Variants in LTN1 observed in about 807,000 individuals in gnomAD.
LTN1 encodes listerin E3 ubiquitin protein ligase 1.
LTN1 carries 88 observed loss-of-function variants against 201.2 expected under a neutral mutation model. That is an observed-to-expected ratio of 0.44 (90% CI 0.37 to 0.52). The LOEUF is 0.52. LTN1 is among the 20% of genes least tolerant of loss of function. The pLI is 0.00. For missense variants in LTN1, 1,752 were observed against 2,038.7 expected (o/e 0.86, Z 2.71); for synonymous variants, 645 against 713.5 (o/e 0.90, Z 1.53).
In LTN1 at chr21:28,981,118, C is replaced by A; in HGVS notation, c.810+1G>T. 6.6e-7 allele frequency: 1 copy of A among 1,520,462 alleles called. No homozygotes were observed. The highest frequency in any genetic ancestry group is 8.8e-7 in the Non-Finnish European group (1 of 1,135,738). The allele number at this position is 1,520,462 out of a possible 1,614,324, so 94.2% of individuals were successfully genotyped here. A position where few individuals can be genotyped will look rare whatever the true frequency, so the allele number is the denominator to read the frequency against. On this transcript the variant is annotated splice_donor_variant, in intron 6 of 29. Transcript: ENST00000361371. LOFTEE classifies it high-confidence loss of function. Reference sequence around the variant, plus strand: ...TCTTAAGATAAAAAAGATTAATATACCTGAGGTACACTGTGTTTTCCATAC... The same window carrying A: ...TCTTAAGATAAAAAAGATTAATATAACTGAGGTACACTGTGTTTTCCATAC...
chr21:28,972,667 G>A (rs755021556), intron 6 of LTN1, among the ~76,000 whole-genome samples: 12 of 152,222 alleles, frequency 7.9e-5, no homozygotes, highest in Non-Finnish European at 1.3e-4. Context: ...CAAAGAAAAC[G>A]TAACAGACAT....
At chr21:28,980,616 G>A (rs987587309) in intron 6 of LTN1, among the ~76,000 whole-genome samples, 1 of 150,846 alleles carries the variant, frequency 6.6e-6, no homozygotes, top group African/African-American at 2.4e-5. Flanking sequence ...GTTATCAACT[G>A]ACAAAAATGC....
Position 28,952,152 on chromosome 21 carries a change from A to G in LTN1, c.3344+8T>C, listed in dbSNP as rs1412004949. The G allele has an allele frequency of 3.9e-6, 6 of 1,531,696 alleles. No homozygotes were observed. The highest frequency in any genetic ancestry group is 1.4e-5 in the African/African-American group (1 of 72,358). The allele number at this position is 1,531,696 out of a possible 1,614,324, so 94.9% of individuals were successfully genotyped here. On this transcript the variant is annotated splice_region_variant and intron_variant, in intron 18 of 29. Transcript: ENST00000361371. ...ACTACAAAGTAAAAACATTTTAAAT[A>G]AGAATACCTTTCTTTTCTCTTATAA... is the stretch of plus-strand genomic sequence containing the variant.
At chr21:28,987,035 T>C in intron 1 of LTN1, 101 bp from the exon 2 acceptor site, 1 of 694,312 alleles carries the variant, frequency 1.4e-6, no homozygotes, top group Non-Finnish European at 2.3e-6. Flanking sequence ...TGAGCTTTTA[T>C]TTTATTTTCT....
chr21:28,959,460 G>C lies in LTN1; in HGVS notation c.2591C>G (p.Pro864Arg). 1 of 1,612,232 alleles carries C rather than the reference G, an allele frequency of 6.2e-7. No individual in the cohort carries two copies. The highest frequency in any genetic ancestry group is 8.5e-7 in the Non-Finnish European group (1 of 1,178,816). Residue 864 changes from proline to arginine, a missense_variant and splice_region_variant, in exon 13 of 30, where the codon CCA becomes CGA. Transcript: ENST00000361371. ...CAQSKEKTHL[P>R]DFLICKLKNT... The stretch of plus-strand genomic sequence containing the variant: ...ACATTTGAGCAGTAGGCTATTACCT[G>C]GCAAATGTGTTTTTTCTTTGCTCTG...
chr21:28,986,555 T>TTA lies in LTN1; in HGVS notation c.246+174_246+175dup. On this transcript the variant is annotated intron_variant, in intron 2 of 29. Coordinates refer to ENST00000361371, the MANE Select transcript of LTN1 (RefSeq NM_015565.3). The surrounding 1 kb of genome is among the most constrained non-coding windows in gnomAD (Gnocchi z 4.1). ...AAAAAGTTCACTGTAACAAACTAAT[T>TTA]TACGACCTAGAAAATAAATATCAAC... The TTA allele has an allele frequency of 1.5e-6, 1 of 659,642 alleles. No individual in the cohort carries two copies. Among genetic ancestry groups the TTA allele is most frequent in the East Asian group, 2.8e-5 (1 of 36,314 alleles). The allele number at this position is 659,642 out of a possible 1,614,324, so 40.9% of individuals were successfully genotyped here. A position where few individuals can be genotyped will look rare whatever the true frequency, so the allele number is the denominator to read the frequency against.
chr21:28,942,548 G>A (rs1239458745), intron 24 of LTN1, among the ~76,000 whole-genome samples: 6 of 152,038 alleles, frequency 3.9e-5, no homozygotes, highest in Non-Finnish European at 8.8e-5. Flanking sequence ...TTACATTCCA[G>A]TAAAGAAAGA....
At chr21:28,948,135 T>TG (rs367655337) in intron 18 of LTN1, among the ~76,000 whole-genome samples, 122,977 of 122,978 alleles carry the variant, frequency 1, 61,488 homozygotes, top group Middle Eastern at 1. Context: ...AAGGTTCCAG[T>TG]AGCTTGAGAT....
Position 28,956,813 on chromosome 21 carries a change from T to C in LTN1, c.3028A>G (p.Ile1010Val), listed in dbSNP as rs770578161. The change falls in exon 16 of 30, where the codon ATT becomes GTT. Residue 1010 changes from isoleucine (I) to valine (V), a missense_variant. Transcript: ENST00000361371. ...TSALLSKMVL[I>V]ALRKETVLEN... is the part of the protein sequence containing the mutation. ...AAGACTGTTTCCTTTCTCAGTGCAA[T>C]TAAGACCATTTTGCTCAATAATGCT... 4.3e-6 allele frequency: 7 copies of C among 1,611,602 alleles called. No homozygotes were observed. Among genetic ancestry groups the C allele is most frequent in the South Asian group, 1.1e-5 (1 of 90,690 alleles).
rs964758013 is a variant in LTN1 at position 28,981,056 on chromosome 21, T to C, written c.810+63A>G. 1.7e-4 allele frequency: 182 copies of C among 1,045,954 alleles called. 1 individual carries two copies. Among genetic ancestry groups the C allele is most frequent in the Non-Finnish European group, 2.2e-4 (163 of 750,236 alleles). 64.8% of individuals were successfully genotyped at this position (1,045,954 alleles called of 1,614,324 possible). A position where few individuals can be genotyped will look rare whatever the true frequency, so the allele number is the denominator to read the frequency against. Reference sequence around the variant, plus strand: ...AAGTATAAACAATAAACATAAAACATAAACTAAGAAGATGGGGGTAAGGAA... The same window carrying C: ...AAGTATAAACAATAAACATAAAACACAAACTAAGAAGATGGGGGTAAGGAA... On this transcript the variant is annotated intron_variant, in intron 6 of 29. Coordinates refer to ENST00000361371, the MANE Select transcript of LTN1 (RefSeq NM_015565.3).
In LTN1 at chr21:28,957,296, C is replaced by G. The variant is rs1337573946; in HGVS notation, c.2892+36G>C. ...TCAAGCTTGCATGAAATCCAAACTT[C>G]AGAATGAGATATGTACTCTTCAATT... On this transcript the variant is annotated intron_variant, in intron 15 of 29. Coordinates refer to ENST00000361371, the MANE Select transcript of LTN1 (RefSeq NM_015565.3). The G allele has an allele frequency of 4.0e-6, 6 of 1,515,124 alleles. No individual in the cohort carries two copies. The East Asian group carries it at 1.4e-4, about 35-fold the overall frequency. The allele number at this position is 1,515,124 out of a possible 1,614,324, so 93.9% of individuals were successfully genotyped here.
rs1300557131 is a variant in LTN1, at chr21:28,957,488, G to A, written c.2748-12C>T. ...AGAGGACTTGGAGACTAAAAATAAT[G>A]CAGAGAACTTAACTGTTGTAGTTAC... On this transcript the variant is annotated splice_polypyrimidine_tract_variant and intron_variant, in intron 14 of 29. Coordinates refer to ENST00000361371, the MANE Select transcript of LTN1 (RefSeq NM_015565.3). 1.3e-6 allele frequency: 2 copies of A among 1,536,390 alleles called. No individual in the cohort carries two copies. Among genetic ancestry groups the A allele is most frequent in the Non-Finnish European group, 8.7e-7 (1 of 1,143,700 alleles).
chr21:28,961,409 G>C (rs975055818), intron 11 of LTN1: 2 of 164,140 alleles, frequency 1.2e-5, no homozygotes, highest in Non-Finnish European at 2.9e-5. Flanking sequence ...TCATGAGGTG[G>C]GGAAGCAAGA....
chr21:28,962,145 A>G (rs2084484316), intron 11 of LTN1, among the ~76,000 whole-genome samples: 1 of 152,238 alleles, frequency 6.6e-6, no homozygotes, highest in Non-Finnish European at 1.5e-5. Flanking sequence ...AAACCAATCT[A>G]TTCTGCAGAA....
chr21:28,988,368 G>A (rs2084717506), intron 1 of LTN1, among the ~76,000 whole-genome samples: 2 of 151,604 alleles, frequency 1.3e-5, no homozygotes, highest in Admixed American at 6.6e-5. Context: ...TCAGGAGGGT[G>A]AGTCATGAGA....
intron 25 of LTN1, among the ~76,000 whole-genome samples, chr21:28,937,485 G>T (rs532042403): frequency 6.6e-6 from 1 of 152,058 alleles, no homozygotes; most frequent in South Asian, 2.1e-4. Context: ...GGGTAAGTGG[G>T]GTATTCATCA....
chr21:28,972,630 A>G (rs1027297980), intron 6 of LTN1, among the ~76,000 whole-genome samples: 3 of 152,236 alleles, frequency 2.0e-5, no homozygotes, highest in Non-Finnish European at 4.4e-5. Context: ...GCAAAGCATC[A>G]TGGAGAGACA....
chr21:28,981,626 T>C (rs1052525183), intron 5 of LTN1, among the ~76,000 whole-genome samples: 4 of 152,228 alleles, frequency 2.6e-5, no homozygotes, highest in African/African-American at 9.6e-5. Context: ...CAAGGACTCT[T>C]AAAACTTTGA....
chr21:28,967,226 C>A (rs2084534412), intron 9 of LTN1, 47 bp from the exon 10 acceptor site: 6 of 1,312,490 alleles, frequency 4.6e-6, no homozygotes, highest in Non-Finnish European at 6.3e-6. Context: ...TGGTCTTCAA[C>A]CCCCATCTCC....
Sources: allele counts gnomAD v4.1 joint callset (sites outside exome capture counted in the v4.1 genomes callset), GRCh38; gene constraint gnomAD v4.1.1; non-coding constraint Gnocchi (gnomAD v3.1); transcripts MANE v1.5; gene names NCBI Gene and HGNC (gene_info 2026-07-23, HGNC 2026-07-21).